PIAS2: variants seen among roughly 807,000 people sequenced by gnomAD.
PIAS2 encodes protein inhibitor of activated STAT 2, also known as E3 SUMO-protein ligase PIAS2.
Under a neutral mutation model 69.7 loss-of-function variants are expected in PIAS2, and 19 were observed. That is an observed-to-expected ratio of 0.27 (90% CI 0.19 to 0.40). The LOEUF (loss-of-function observed/expected upper bound fraction) is 0.40. Among genes scored for constraint, PIAS2 ranks in the 10% least tolerant of loss-of-function variants. PIAS2 has a pLI of 1.00. For missense variants in PIAS2, 624 were observed against 757.0 expected, an observed-to-expected ratio of 0.82 and a Z score of 2.06; for synonymous variants, 261 against 263.2, an observed-to-expected ratio of 0.99 and a Z score of 0.08.
chr18:46,857,282 C>G (rs1189322956), intron 3 of PIAS2, among the ~76,000 whole-genome samples: 1 of 152,190 alleles, frequency 6.6e-6, no homozygotes, highest in African/African-American at 2.4e-5. Context: ...AAGACAAATA[C>G]AACACAGTAT....
chr18:46,816,447 C>T (rs1047065293), intron 12 of PIAS2: 1 of 984,866 alleles, frequency 1.0e-6, no homozygotes, highest in Non-Finnish European at 1.2e-6. Flanking sequence ...ATTTCTAAAG[C>T]CTTTTTGAAA....
At chr18:46,857,476 C>T (rs2048010895) in intron 3 of PIAS2, among the ~76,000 whole-genome samples, 1 of 152,130 alleles carries the variant, frequency 6.6e-6, no homozygotes, top group African/African-American at 2.4e-5. Flanking sequence ...GTTTTTACAG[C>T]AGTGGTTCTG....
At chr18:46,838,769 G>A (rs1389427266) in intron 8 of PIAS2, among the ~76,000 whole-genome samples, 2 of 152,142 alleles carry the variant, frequency 1.3e-5, no homozygotes, top group Admixed American at 6.5e-5. Flanking sequence ...TGAAGATGCT[G>A]AGGCTACAAG....
intron 9 of PIAS2, among the ~76,000 whole-genome samples, chr18:46,832,268 A>G (rs1377586561): frequency 6.6e-6 from 1 of 151,974 alleles, no homozygotes; most frequent in Non-Finnish European, 1.5e-5. Flanking sequence ...TACAAAAATT[A>G]GCCAGGCGTG....
At chr18:46,839,646 C>A (rs2045010414) in intron 8 of PIAS2, among the ~76,000 whole-genome samples, 1 of 152,004 alleles carries the variant, frequency 6.6e-6, no homozygotes, top group Non-Finnish European at 1.5e-5. Flanking sequence ...GGGTGGATCA[C>A]CTGAGGTCAG....
At chr18:46,813,735 C>T (rs879728728) in intron 13 of PIAS2, among the ~76,000 whole-genome samples, 2 of 152,212 alleles carry the variant, frequency 1.3e-5, no homozygotes, top group South Asian at 2.1e-4. Context: ...AGAGGGACAG[C>T]AACAAGTAAA....
intron 5 of PIAS2, among the ~76,000 whole-genome samples, chr18:46,854,095 C>A (rs776651473): frequency 6.6e-6 from 1 of 152,158 alleles, no homozygotes; most frequent in Non-Finnish European, 1.5e-5. Flanking sequence ...GCTGTGTATG[C>A]GACAAATGAG....
chr18:46,900,666 A>C (rs1338076530), intron 1 of PIAS2, among the ~76,000 whole-genome samples: 1 of 130,062 alleles, frequency 7.7e-6, no homozygotes, highest in Admixed American at 7.5e-5. Context: ...ACAGAGTAAG[A>C]CCTCATCTGA....
chr18:46,816,077 T>C, intron 12 of PIAS2: 1 of 984,776 alleles, frequency 1.0e-6, no homozygotes, highest in Non-Finnish European at 1.2e-6. Context: ...AACTTCAACA[T>C]CAGTTCACCT....
intron 9 of PIAS2, 46 bp from the exon 10 acceptor site, chr18:46,829,913 C>T: frequency 1.3e-6 from 2 of 1,558,018 alleles, no homozygotes; most frequent in East Asian, 2.3e-5. Context: ...ACAGCTTTGC[C>T]TAAAGGTGAA....
Position 46,804,666 on chromosome 18 carries a change from T to C in PIAS2, c.*7767A>G, listed in dbSNP as rs1204253945. ...TCCTCACATTTCTCCACATTACTTC[T>C]ATTAAATCATTGAGGTGCCTCATTT... On this transcript the variant is annotated 3_prime_UTR_variant, in exon 14 of 14. Coordinates refer to ENST00000585916, the MANE Select transcript of PIAS2 (RefSeq NM_004671.5). 2 of 152,240 alleles carry C rather than the reference T, an allele frequency of 1.3e-5. No homozygotes were observed. Among genetic ancestry groups the C allele is most frequent in the Admixed American group, 6.5e-5 (1 of 15,282 alleles). The allele number at this position is 152,240 out of a possible 1,614,324, so 9.4% of individuals were successfully genotyped here. A position where few individuals can be genotyped will look rare whatever the true frequency, so the allele number is the denominator to read the frequency against.
At chr18:46,896,640 C>T (rs1340199375) in intron 1 of PIAS2, among the ~76,000 whole-genome samples, 1 of 152,240 alleles carries the variant, frequency 6.6e-6, no homozygotes, top group Non-Finnish European at 1.5e-5. Flanking sequence ...GAGAAGTCCA[C>T]CCTATCCAAC....
rs2040651584 is a variant in PIAS2 at position 46,805,645 on chromosome 18, A to G, written c.*6788T>C. 6.6e-6 allele frequency: 1 copy of G among 152,316 alleles called. No homozygotes were observed. Among genetic ancestry groups the G allele is most frequent in the Non-Finnish European group, 1.5e-5 (1 of 68,150 alleles). The allele number at this position is 152,316 out of a possible 1,614,324, so 9.4% of individuals were successfully genotyped here. A position where few individuals can be genotyped will look rare whatever the true frequency, so the allele number is the denominator to read the frequency against. ...ATGGCAGGGCCTCAGGTGGCAGCCA[A>G]ATTTGTAATGGGCAAGGCAGTGAAG... is the stretch of plus-strand genomic sequence containing the variant. On this transcript the variant is annotated 3_prime_UTR_variant, in exon 14 of 14. Coordinates refer to ENST00000585916, the MANE Select transcript of PIAS2 (RefSeq NM_004671.5).
At chr18:46,844,925 G>C in intron 6 of PIAS2, 86 bp from the exon 7 acceptor site, 1 of 521,498 alleles carries the variant, frequency 1.9e-6, no homozygotes, top group Non-Finnish European at 3.2e-6. Flanking sequence ...AGAAACTCTG[G>C]TTTCTAAAAA....
chr18:46,848,413 A>T (rs2046460649), intron 5 of PIAS2, among the ~76,000 whole-genome samples: 1 of 152,224 alleles, frequency 6.6e-6, no homozygotes, highest in African/African-American at 2.4e-5. Flanking sequence ...TCAAAGTTGC[A>T]CAGGTGCAGG....
chr18:46,916,069 T>C lies in PIAS2; in HGVS notation c.24+1253A>G, dbSNP rs146492009. 3.1e-3 allele frequency among the ~76,000 whole-genome samples: 474 copies of C among 152,284 alleles called. 4 individuals are homozygous for C. The highest frequency in any genetic ancestry group is 0.014 in the Middle Eastern group (4 of 294). On this transcript the variant is annotated intron_variant, in intron 1 of 13. Coordinates refer to ENST00000585916, the MANE Select transcript of PIAS2 (RefSeq NM_004671.5). ...ACTTATGGTTCTCTGCATAAACTAG[T>C]ATGGGGCATAACATGTATTAATATG...
Position 46,917,507 on chromosome 18 carries a change from T to A in PIAS2, c.-162A>T, listed in dbSNP as rs1342489833. The A allele has an allele frequency of 8.5e-7, 1 of 1,182,140 alleles. No individual in the cohort carries two copies. Among genetic ancestry groups the A allele is most frequent in the African/African-American group, 1.6e-5 (1 of 61,740 alleles). The allele number at this position is 1,182,140 out of a possible 1,614,324, so 73.2% of individuals were successfully genotyped here. ...CGCCGCTACAGCCGGGCCCGTCACG[T>A]GAACGGCGCGGGAGCTCCGCCTCCG... On this transcript the variant is annotated 5_prime_UTR_variant, in exon 1 of 14. Transcript: ENST00000585916.
chr18:46,902,015 A>G (rs753646384), intron 1 of PIAS2, among the ~76,000 whole-genome samples: 1 of 152,180 alleles, frequency 6.6e-6, no homozygotes, highest in African/African-American at 2.4e-5. Context: ...TCACATAGAA[A>G]ATCTCAACAA....
rs2040713454 is a variant in PIAS2 at position 46,806,889 on chromosome 18, A to G, written c.*5544T>C. On this transcript the variant is annotated 3_prime_UTR_variant, in exon 14 of 14. Transcript: ENST00000585916. ...ATAAAGCTTTTTAAAAAAGCCATTC[A>G]GAAATAGGAAGCAGTTTGGGAAATG... 6.6e-6 allele frequency: 1 copy of G among 152,208 alleles called. No individual in the cohort carries two copies. Among genetic ancestry groups the G allele is most frequent in the Non-Finnish European group, 1.5e-5 (1 of 68,038 alleles). The allele number at this position is 152,208 out of a possible 1,614,324, so 9.4% of individuals were successfully genotyped here. A position where few individuals can be genotyped will look rare whatever the true frequency, so the allele number is the denominator to read the frequency against.
Sources: allele counts gnomAD v4.1 joint callset (sites outside exome capture counted in the v4.1 genomes callset), GRCh38; gene constraint gnomAD v4.1.1; transcripts MANE v1.5; gene names NCBI Gene and HGNC (gene_info 2026-07-23, HGNC 2026-07-21).